The following WBP1L variants were observed in gnomAD, a reference collection of about 807,000 sequenced individuals.
The protein encoded by WBP1L is WW domain binding protein 1 like.
WBP1L carries 17 observed loss-of-function variants against 33.7 expected under a neutral mutation model. The observed-to-expected ratio is 0.50, with a 90% confidence interval of 0.34 to 0.76. The LOEUF is 0.76. WBP1L is among the 30% of genes least tolerant of loss of function. The pLI, the probability that WBP1L is intolerant of heterozygous loss-of-function variation, is 0.01. For missense variants in WBP1L, 389 were observed against 469.4 expected (o/e 0.83, Z 1.58); for synonymous variants, 173 against 190.8 (o/e 0.91, Z 0.77).
At chr10:102,809,533 G>T (rs1051103541) in intron 2 of WBP1L, among the ~76,000 whole-genome samples, 5 of 150,908 alleles carry the variant, frequency 3.3e-5, no homozygotes, top group African/African-American at 9.8e-5. Context: ...CACCATACCT[G>T]GCTGATTTTT....
intron 1 of WBP1L, among the ~76,000 whole-genome samples, chr10:102,765,746 A>G (rs986747085): frequency 2.4e-4 from 37 of 152,224 alleles, no homozygotes; most frequent in African/African-American, 8.2e-4. Flanking sequence ...TGTTGAGTTT[A>G]TGAGTTGCAT....
chr10:102,809,417 G>A lies in WBP1L; in HGVS notation c.194-476G>A, dbSNP rs552705362. 1.7e-3 allele frequency among the ~76,000 whole-genome samples: 258 copies of A among 151,974 alleles called. 4 individuals are homozygous for A. The Middle Eastern group carries it at 0.051, about 30-fold the overall frequency. ...GACAGAGTCTTGCTCTGTCGCCCAG[G>A]CTGGAGTGCAGTGGCGCAATCTTGG... is the stretch of plus-strand genomic sequence containing the variant. On this transcript the variant is annotated intron_variant, in intron 2 of 3. Coordinates refer to ENST00000448841, the MANE Select transcript of WBP1L (RefSeq NM_001083913.2).
chr10:102,755,566 A>AT (rs1842965295), intron 1 of WBP1L, among the ~76,000 whole-genome samples: 1 of 150,358 alleles, frequency 6.7e-6, no homozygotes, highest in South Asian at 2.1e-4. Flanking sequence ...TAATTTTTGT[A>AT]TTTTTATTAG....
intron 3 of WBP1L, 79 bp from the exon 4 acceptor site, chr10:102,812,516 A>T (rs190701574): frequency 6.8e-7 from 1 of 1,467,680 alleles, no homozygotes; most frequent in South Asian, 1.4e-5. Context: ...AGACAATGCA[A>T]ATATTCAGTG....
intron 1 of WBP1L, among the ~76,000 whole-genome samples, chr10:102,797,253 A>G (rs1373996875): frequency 6.6e-6 from 1 of 152,246 alleles, no homozygotes; most frequent in East Asian, 1.9e-4. Flanking sequence ...TAATCCTAGA[A>G]TACATACCGC....
chr10:102,749,886 T>G (rs1052275887), intron 1 of WBP1L, among the ~76,000 whole-genome samples: 4 of 151,930 alleles, frequency 2.6e-5, no homozygotes, highest in African/African-American at 4.8e-5. Context: ...CAAGGGATTC[T>G]CATGCCTCAG....
intron 1 of WBP1L, among the ~76,000 whole-genome samples, chr10:102,777,245 T>A (rs1843277418): frequency 6.6e-6 from 1 of 152,064 alleles, no homozygotes; most frequent in Non-Finnish European, 1.5e-5. Flanking sequence ...CAGCAGCTGC[T>A]GGCCATAAGG....
At chr10:102,803,152 T>C (rs1308854965) in intron 2 of WBP1L, among the ~76,000 whole-genome samples, 1 of 152,232 alleles carries the variant, frequency 6.6e-6, no homozygotes, top group African/African-American at 2.4e-5. Context: ...TTGGCTGGGC[T>C]TTCAGAAGAA....
At chr10:102,785,659 G>A (rs1289646913) in intron 1 of WBP1L, among the ~76,000 whole-genome samples, 1 of 152,184 alleles carries the variant, frequency 6.6e-6, no homozygotes, top group Non-Finnish European at 1.5e-5. Context: ...ACTGTGAGTG[G>A]ATGACAGTAG....
At chr10:102,747,400 G>A (rs994891409) in intron 1 of WBP1L, among the ~76,000 whole-genome samples, 3 of 150,426 alleles carry the variant, frequency 2.0e-5, no homozygotes, top group South Asian at 2.1e-4. Context: ...AACAGTAGAT[G>A]CTCCAAATAG....
At position 102,787,661 on chromosome 10, in the gene WBP1L, C is replaced by G. The variant is rs190962641; in HGVS notation, c.91-10332C>G. Among the ~76,000 whole-genome samples, 188 of 152,294 alleles carry G rather than the reference C, an allele frequency of 1.2e-3. 1 individual carries two copies. Among genetic ancestry groups the G allele is most frequent in the African/African-American group, 4.2e-3 (174 of 41,576 alleles). The stretch of plus-strand genomic sequence containing the variant: ...CAATAGGCCAGGACTCCTGCTGCAT[C>G]ATCCCCCTTCTTGAGCTTACTTTCT... On this transcript the variant is annotated intron_variant, in intron 1 of 3. Transcript: ENST00000448841.
chr10:102,768,371 G>GTTTTTTTTTT lies in WBP1L; in HGVS notation c.90+24244_90+24253dup, dbSNP rs1192088947. Among the ~76,000 whole-genome samples the GTTTTTTTTTT allele has an allele frequency of 7.4e-4, 9 of 12,216 alleles. 1 individual carries two copies. The highest frequency in any genetic ancestry group is 4.3e-3 in the African/African-American group (8 of 1,842). 8.0% of individuals were successfully genotyped at this position (12,216 alleles called of 152,430 possible). On this transcript the variant is annotated intron_variant, in intron 1 of 3. Transcript: ENST00000448841. ...CCATTGCGCCTGGCATTAGTTTTTT[G>GTTTTTTTTTT]TTTTTTTTTTTTTTTTTTTTTTTTT...
intron 1 of WBP1L, among the ~76,000 whole-genome samples, chr10:102,783,857 A>T (rs1252576679): frequency 6.6e-6 from 1 of 152,190 alleles, no homozygotes; most frequent in Admixed American, 6.5e-5. Context: ...ATAGTAGTCC[A>T]CTCTGCTTGG....
At chr10:102,809,161 T>G (rs1843787875) in intron 2 of WBP1L, among the ~76,000 whole-genome samples, 1 of 152,176 alleles carries the variant, frequency 6.6e-6, no homozygotes, top group African/African-American at 2.4e-5. Flanking sequence ...CACTGCAGCC[T>G]CCGCCTCCTG....
At chr10:102,760,230 G>T (rs1383137859) in intron 1 of WBP1L, among the ~76,000 whole-genome samples, 1 of 152,106 alleles carries the variant, frequency 6.6e-6, no homozygotes, top group African/African-American at 2.4e-5. Flanking sequence ...CCCAGTGAGT[G>T]ATGCCCAGGG....
intron 1 of WBP1L, chr10:102,776,330 C>T (rs1843261626): frequency 1.2e-6 from 2 of 1,613,842 alleles, no homozygotes; most frequent in Non-Finnish European, 1.7e-6. Flanking sequence ...ATGCTCATTC[C>T]AAGACCTTAA....
At position 102,782,840 on chromosome 10, in the gene WBP1L, C is replaced by T. The variant is rs373019936; in HGVS notation, c.91-15153C>T. On this transcript the variant is annotated intron_variant, in intron 1 of 3. Transcript: ENST00000448841. ...TACTGACTTCTTTTCCTGAAAGTGG[C>T]TGAGGGTTTGCCGGGACTGTGTTGC... 1.1e-4 allele frequency among the ~76,000 whole-genome samples: 17 copies of T among 152,132 alleles called. No individual in the cohort carries two copies. The East Asian group carries it at 1.2e-3, about 10-fold the overall frequency.
At chr10:102,757,569 C>CTTTTTTTTTTTTTTTTT (rs60213859) in intron 1 of WBP1L, among the ~76,000 whole-genome samples, 3 of 88,810 alleles carry the variant, frequency 3.4e-5, no homozygotes, top group East Asian at 4.4e-4. Flanking sequence ...GTTTCTGAGC[C>CTTTTTTTTTTTTTTTTT]TTTTTTTTTT....
chr10:102,757,011 A>G (rs905761224), intron 1 of WBP1L, among the ~76,000 whole-genome samples: 4 of 151,980 alleles, frequency 2.6e-5, no homozygotes, highest in African/African-American at 9.7e-5. Context: ...CCTCAGCCCC[A>G]TGAGTAGCTG....
Sources: gnomAD v4.1 joint callset for allele counts (sites outside exome capture counted in the v4.1 genomes callset) on GRCh38, gnomAD v4.1.1 for gene constraint, MANE v1.5 for transcripts, NCBI Gene and HGNC (gene_info 2026-07-23, HGNC 2026-07-21) for gene names.